CALN1: variants seen among roughly 807,000 people sequenced by gnomAD.
CALN1 encodes calcium-binding protein 8.
In CALN1, 17 loss-of-function variants were observed where a neutral mutation model predicts 30.6. The observed-to-expected ratio is 0.56, with a 90% confidence interval of 0.38 to 0.83. CALN1 has a LOEUF of 0.83. Among genes scored for constraint, CALN1 ranks in the 40% least tolerant of loss-of-function variants. CALN1 has a pLI of 0.00. For missense variants in CALN1, 291 were observed against 354.9 expected (o/e 0.82, Z 1.45); for synonymous variants, 156 against 131.4 (o/e 1.19, Z -1.28).
At chr7:72,239,084 C>G (rs1189637206) in intron 3 of CALN1, among the ~76,000 whole-genome samples, 1 of 152,158 alleles carries the variant, frequency 6.6e-6, no homozygotes, top group East Asian at 1.9e-4. Flanking sequence ...TAAAATACCT[C>G]CTGGTGCTTT....
intron 3 of CALN1, among the ~76,000 whole-genome samples, chr7:72,111,079 G>T (rs1157324648): frequency 6.6e-6 from 1 of 152,186 alleles, no homozygotes; most frequent in Non-Finnish European, 1.5e-5. Context: ...CCAGGGCTAC[G>T]TGAGCACGCT....
intron 3 of CALN1, among the ~76,000 whole-genome samples, chr7:72,247,522 T>TG: frequency 6.6e-6 from 1 of 152,216 alleles, no homozygotes; most frequent in South Asian, 2.1e-4. Flanking sequence ...CCCAAAGTGC[T>TG]GGGATTACAG....
intron 4 of CALN1, among the ~76,000 whole-genome samples, chr7:72,095,584 C>T (rs988703537): frequency 1.3e-5 from 2 of 152,158 alleles, no homozygotes; most frequent in Admixed American, 6.5e-5. Flanking sequence ...AGGCACTGAG[C>T]TCCCTGCAGG....
At chr7:72,172,183 TG>T (rs1789018876) in intron 3 of CALN1, among the ~76,000 whole-genome samples, 1 of 152,242 alleles carries the variant, frequency 6.6e-6, no homozygotes, top group Admixed American at 6.5e-5. Flanking sequence ...CCAAAGAGTC[TG>T]AGTTTTTAAC....
At chr7:71,793,768 C>T (rs751840432) in intron 6 of CALN1, among the ~76,000 whole-genome samples, 39 of 152,002 alleles carry the variant, frequency 2.6e-4, no homozygotes, top group South Asian at 4.2e-4. Flanking sequence ...CCCCGCTACT[C>T]GGGAGGCTGA....
intron 3 of CALN1, among the ~76,000 whole-genome samples, chr7:72,194,856 C>T (rs1035570211): frequency 1.1e-4 from 17 of 152,054 alleles, no homozygotes; most frequent in Non-Finnish European, 1.6e-4. Flanking sequence ...TCCCAAAGTA[C>T]TGGGATTACA....
At chr7:72,023,351 C>T (rs1562985065) in intron 5 of CALN1, among the ~76,000 whole-genome samples, 20 of 152,216 alleles carry the variant, frequency 1.3e-4, no homozygotes, top group South Asian at 1.0e-3. Context: ...AACACAGAAC[C>T]GGTTCAGATA....
At chr7:71,990,034 G>T (rs117916988) in intron 5 of CALN1, among the ~76,000 whole-genome samples, 3,260 of 152,292 alleles carry the variant, frequency 0.021, 51 homozygotes, top group Non-Finnish European at 0.033. Flanking sequence ...CTACTGGGCT[G>T]CATTCCCAGG....
intron 6 of CALN1, among the ~76,000 whole-genome samples, chr7:71,801,067 G>A (rs1010779239): frequency 6.6e-6 from 1 of 152,200 alleles, no homozygotes; most frequent in African/African-American, 2.4e-5. Context: ...TGCGGTGTTT[G>A]GTTTCCTGTT....
chr7:72,279,935 A>C (rs940683923), intron 2 of CALN1, among the ~76,000 whole-genome samples: 15 of 152,204 alleles, frequency 9.9e-5, no homozygotes, highest in Admixed American at 9.8e-4. Flanking sequence ...ACATCTTTGT[A>C]TCGGAGCTTC....
chr7:72,451,813 A>G (rs552121983), upstream of CALN1, among the ~76,000 whole-genome samples: 2 of 151,186 alleles, frequency 1.3e-5, no homozygotes, highest in South Asian at 4.2e-4. Flanking sequence ...AGAAGAAACA[A>G]TATTCCAAAT....
chr7:72,233,116 T>C (rs927513610), intron 3 of CALN1, among the ~76,000 whole-genome samples: 1 of 151,988 alleles, frequency 6.6e-6, no homozygotes, highest in Non-Finnish European at 1.5e-5. Context: ...TCCTTTATTT[T>C]GGTCACAAGG....
intron 2 of CALN1, among the ~76,000 whole-genome samples, chr7:72,283,049 C>T (rs1411507330): frequency 1.1e-5 from 1 of 93,228 alleles, no homozygotes; most frequent in Admixed American, 1.3e-4. Context: ...AGGGAGACTC[C>T]ATCTCAAAAA....
rs530588915 is a variant in CALN1, at chr7:72,299,888, TTTG to T, written c.120-21081_120-21079del. ...GTTTTTGTTTCAATTTTTGTTTTGT[TTTG>T]TTTTTTTGTTTGTTGTTTTTTTCTG... On this transcript the variant is annotated intron_variant, in intron 2 of 6. Transcript: ENST00000395275. 3.2e-3 allele frequency among the ~76,000 whole-genome samples: 484 copies of T among 151,900 alleles called. 5 individuals carry two copies. The highest frequency in any genetic ancestry group is 0.014 in the Middle Eastern group (4 of 294).
intron 3 of CALN1, among the ~76,000 whole-genome samples, chr7:72,264,201 A>C (rs2129553014): frequency 6.6e-6 from 1 of 152,168 alleles, no homozygotes; most frequent in South Asian, 2.1e-4. Context: ...CTCTGCTCTA[A>C]CCTTTACAAG....
intron 2 of CALN1, among the ~76,000 whole-genome samples, chr7:72,374,366 T>C (rs1394022222): frequency 6.6e-6 from 1 of 151,776 alleles, no homozygotes; most frequent in Non-Finnish European, 1.5e-5. Context: ...CCGTCTCTAC[T>C]AAAAATACAA....
At chr7:72,072,573 T>C (rs902585662) in intron 4 of CALN1, among the ~76,000 whole-genome samples, 17 of 152,050 alleles carry the variant, frequency 1.1e-4, no homozygotes, top group African/African-American at 1.4e-4. Flanking sequence ...TATGAAGAAA[T>C]AAAGATCACA....
intron 2 of CALN1, among the ~76,000 whole-genome samples, chr7:72,314,370 TATACACATATATAC>T (rs1238864978): frequency 8.8e-5 from 6 of 67,908 alleles, no homozygotes; most frequent in South Asian, 6.4e-4. Flanking sequence ...CATATACATA[TATACACATATATAC>T]ACATATATAT....
chr7:72,366,333 G>A (rs1283874361), intron 2 of CALN1, among the ~76,000 whole-genome samples: 1 of 151,864 alleles, frequency 6.6e-6, no homozygotes, highest in Admixed American at 6.6e-5. Flanking sequence ...ACACCACCAT[G>A]CCCAGCTAAT....
Sources: allele counts gnomAD v4.1 joint callset (sites outside exome capture counted in the v4.1 genomes callset), GRCh38; gene constraint gnomAD v4.1.1; transcripts MANE v1.5; gene names NCBI Gene and HGNC (gene_info 2026-07-23, HGNC 2026-07-21).